Variants in RBL1 observed in about 807,000 individuals in gnomAD.
RBL1 encodes the protein RB transcriptional corepressor like 1, also known as retinoblastoma-like protein 1.
RBL1 carries 82 observed loss-of-function variants against 123.0 expected under a neutral mutation model. The observed-to-expected ratio is 0.67, with a 90% CI of 0.56 to 0.80. The LOEUF is 0.80. Ranked by LOEUF, RBL1 falls within the 30% of genes least tolerant of loss-of-function variation. RBL1 has a pLI of 0.00. For missense variants in RBL1, 1,171 were observed against 1,299.6 expected (o/e 0.90, Z 1.52); for synonymous variants, 405 against 441.3 (o/e 0.92, Z 1.03).
chr20:37,092,284 TA>T (rs1371446276), intron 1 of RBL1, among the ~76,000 whole-genome samples: 1 of 152,130 alleles, frequency 6.6e-6, no homozygotes, highest in Non-Finnish European at 1.5e-5. Flanking sequence ...GGTGAAAATA[TA>T]AGTCCTAAAA....
At chr20:37,021,845 A>C in intron 17 of RBL1, 1 of 188,274 alleles carries the variant, frequency 5.3e-6, no homozygotes, top group South Asian at 1.1e-4. Flanking sequence ...TGGTTCCTTG[A>C]GTCCTGGTAA....
At chr20:37,049,385 A>C in intron 11 of RBL1, 1 of 725,356 alleles carries the variant, frequency 1.4e-6, no homozygotes, top group Non-Finnish European at 2.5e-6. Context: ...AAAGACTAAT[A>C]TTTGCTGGCA....
At chr20:37,058,497 G>C (rs1352935843) in intron 9 of RBL1, among the ~76,000 whole-genome samples, 2 of 146,126 alleles carry the variant, frequency 1.4e-5, no homozygotes, top group Non-Finnish European at 3.0e-5. Flanking sequence ...CCTGGCAATA[G>C]AGCAAGACTC....
At chr20:36,999,898 T>C (rs2063938448) in intron 21 of RBL1, among the ~76,000 whole-genome samples, 1 of 152,142 alleles carries the variant, frequency 6.6e-6, no homozygotes, top group Non-Finnish European at 1.5e-5. Context: ...GATTGCAGAC[T>C]CTGCCCGGCC....
intron 2 of RBL1, among the ~76,000 whole-genome samples, chr20:37,075,831 G>A (rs767559224): frequency 7.9e-5 from 12 of 152,116 alleles, no homozygotes; most frequent in Non-Finnish European, 1.6e-4. Flanking sequence ...CTTTCATCCA[G>A]AAATTACTTT....
chr20:37,065,543 T>A lies in RBL1; in HGVS notation c.847-70A>T, dbSNP rs2146300760. On this transcript the variant is annotated intron_variant, in intron 6 of 21. Coordinates refer to ENST00000373664, the MANE Select transcript of RBL1 (RefSeq NM_002895.5). The stretch of plus-strand genomic sequence containing the variant: ...TTAATACACACACAAACGTGAAATT[T>A]ATCTAAATTTCCATATTGTTATAAC... 5 of 1,014,348 alleles carry A rather than the reference T, an allele frequency of 4.9e-6. No homozygotes were observed. In the East Asian group the frequency reaches 1.2e-4, roughly 25 times the overall value. 62.8% of individuals were successfully genotyped at this position (1,014,348 alleles called of 1,614,324 possible).
intron 19 of RBL1, among the ~76,000 whole-genome samples, chr20:37,013,585 T>TAAAAA (rs5841249): frequency 9.9e-6 from 1 of 101,412 alleles, no homozygotes. Context: ...GAATGATCAA[T>TAAAAA]AAAAAAAAAA....
chr20:37,047,850 C>T (rs1040587893), intron 11 of RBL1, among the ~76,000 whole-genome samples: 2 of 151,854 alleles, frequency 1.3e-5, no homozygotes, highest in Non-Finnish European at 2.9e-5. Context: ...TGTGGTGGCG[C>T]GTGCCTGTGA....
intron 7 of RBL1, 114 bp from the exon 8 acceptor site, chr20:37,062,384 AT>A (rs2065110607): frequency 2.8e-5 from 40 of 1,444,032 alleles, no homozygotes; most frequent in Non-Finnish European, 3.6e-5. Flanking sequence ...TCTAATTTTT[AT>A]TAACTCTGAC....
intron 7 of RBL1, among the ~76,000 whole-genome samples, chr20:37,064,466 G>A (rs1328916196): frequency 2.0e-5 from 3 of 152,116 alleles, no homozygotes; most frequent in Non-Finnish European, 2.9e-5. Flanking sequence ...CCAATTGGCC[G>A]GGTGTGGTGG....
intron 2 of RBL1, among the ~76,000 whole-genome samples, chr20:37,083,305 TAAAAATAC>T (rs1423170089): frequency 6.7e-6 from 1 of 148,988 alleles, no homozygotes; most frequent in Non-Finnish European, 1.5e-5. Flanking sequence ...CTGTCTCAAC[TAAAAATAC>T]AAAAATTACC....
In RBL1 at chr20:37,058,140, C is replaced by CA. The variant is rs796895938; in HGVS notation, c.1251-1883dup. On this transcript the variant is annotated intron_variant, in intron 9 of 21. Transcript: ENST00000373664. ...TAAAAAAAAAAAAAACAAAACAAAA[C>CA]AAAAAAAAAAAAGCCTATTCCAGGG... Among the ~76,000 whole-genome samples, 144 of 76,116 alleles carry CA rather than the reference C, an allele frequency of 1.9e-3. 10 individuals carry two copies. In the East Asian group the frequency reaches 0.023, roughly 12 times the overall value. The allele number at this position is 76,116 out of a possible 152,430, so 49.9% of individuals were successfully genotyped here.
chr20:37,004,247 G>A (rs1005691127), intron 20 of RBL1, among the ~76,000 whole-genome samples: 2 of 151,206 alleles, frequency 1.3e-5, no homozygotes, highest in Non-Finnish European at 3.0e-5. Flanking sequence ...GTGCCACCAC[G>A]CCCGGTTAAT....
At chr20:37,067,835 C>T in intron 3 of RBL1, 151 bp downstream of exon 3, 3 of 734,800 alleles carry the variant, frequency 4.1e-6, no homozygotes, top group South Asian at 5.2e-5. Flanking sequence ...TCCTGAATTT[C>T]CAAATATGGA....
intron 3 of RBL1, 98 bp from the exon 4 acceptor site, chr20:37,067,395 A>T (rs1850355336): frequency 1.1e-6 from 1 of 913,930 alleles, no homozygotes; most frequent in Non-Finnish European, 1.6e-6. Context: ...CAAATTACAC[A>T]TGAAATTCCA....
chr20:36,998,949 G>A lies in RBL1; in HGVS notation c.3037-20C>T, dbSNP rs899185104. The A allele has an allele frequency of 3.1e-6, 5 of 1,598,904 alleles. No homozygotes were observed. The highest frequency in any genetic ancestry group is 2.2e-5 in the South Asian group (2 of 89,500). On this transcript the variant is annotated intron_variant, in intron 21 of 21. Coordinates refer to ENST00000373664, the MANE Select transcript of RBL1 (RefSeq NM_002895.5). ...CAAACTCTGTGCAGAAATAGAGAAC[G>A]TGTGTGAGTAAAAGAGGGAGAGGGG...
At chr20:37,004,041 T>C (rs1035066557) in intron 20 of RBL1, among the ~76,000 whole-genome samples, 175 bp from the exon 21 acceptor site, 4 of 151,524 alleles carry the variant, frequency 2.6e-5, no homozygotes, top group African/African-American at 9.7e-5. Context: ...TTAACAACAA[T>C]AGATAAACTA....
intron 20 of RBL1, among the ~76,000 whole-genome samples, chr20:37,005,869 CTTCTT>C (rs937683026): frequency 4.1e-5 from 6 of 145,788 alleles, no homozygotes; most frequent in African/African-American, 1.3e-4. Flanking sequence ...CTGCTAGGGC[CTTCTT>C]TTCTTTTTTT....
intron 9 of RBL1, among the ~76,000 whole-genome samples, chr20:37,059,846 T>A (rs2065065635): frequency 6.7e-6 from 1 of 149,036 alleles, no homozygotes; most frequent in African/African-American, 2.5e-5. Context: ...GAATCATGCT[T>A]CCTTAAAAAA....
Sources: gnomAD v4.1 joint callset for allele counts (sites outside exome capture counted in the v4.1 genomes callset) on GRCh38, gnomAD v4.1.1 for gene constraint, MANE v1.5 for transcripts, NCBI Gene and HGNC (gene_info 2026-07-23, HGNC 2026-07-21) for gene names.